Variants in CSMD2 observed in about 807,000 individuals in gnomAD.
CSMD2 encodes the protein CUB and Sushi multiple domains 2, also known as CUB and sushi domain-containing protein 2.
A neutral mutation model predicts 398.5 loss-of-function variants in CSMD2; 130 were observed. The ratio of observed to expected loss-of-function variants is 0.33; its 90% confidence interval spans 0.28 to 0.38. The LOEUF (loss-of-function observed/expected upper bound fraction) is 0.38. Ranked by LOEUF, CSMD2 falls within the 10% of genes least tolerant of loss-of-function variation. The pLI is 1.00. For missense variants in CSMD2, 3,829 were observed against 4,764.9 expected (o/e 0.80, Z 5.78); for synonymous variants, 1,828 against 1,908.5 (o/e 0.96, Z 1.10).
chr1:33,883,374 C>A (rs1309051753), intron 5 of CSMD2, among the ~76,000 whole-genome samples: 2 of 152,086 alleles, frequency 1.3e-5, no homozygotes, highest in African/African-American at 4.8e-5. Flanking sequence ...AATGATGACA[C>A]ATTTACCTCA....
At chr1:33,634,336 C>G (rs1021972371) in intron 31 of CSMD2, among the ~76,000 whole-genome samples, 1 of 152,320 alleles carries the variant, frequency 6.6e-6, no homozygotes, top group Admixed American at 6.5e-5. Flanking sequence ...AAATGTTTGG[C>G]GAACGCCTCA....
At chr1:33,562,771 A>G (rs1057479384) in intron 53 of CSMD2, among the ~76,000 whole-genome samples, 5 of 152,184 alleles carry the variant, frequency 3.3e-5, no homozygotes, top group Admixed American at 6.5e-5. Context: ...GCCTCATCCA[A>G]TCAGTTGAAG....
At chr1:33,667,451 G>C in intron 25 of CSMD2, among the ~76,000 whole-genome samples, 1 of 152,136 alleles carries the variant, frequency 6.6e-6, no homozygotes, top group East Asian at 1.9e-4. Flanking sequence ...CTTGCACAAG[G>C]TCATGGGCTG....
chr1:33,887,469 C>T (rs1349312286), intron 5 of CSMD2, among the ~76,000 whole-genome samples: 2 of 152,140 alleles, frequency 1.3e-5, no homozygotes, highest in African/African-American at 4.8e-5. Flanking sequence ...CCTCATCAAG[C>T]GATGGTGTTA....
At chr1:33,543,752 C>T (rs945256289) in intron 57 of CSMD2, among the ~76,000 whole-genome samples, 3 of 152,176 alleles carry the variant, frequency 2.0e-5, no homozygotes, top group Non-Finnish European at 1.5e-5. Context: ...AAGACATTTT[C>T]TATCATCAAA....
chr1:33,918,214 T>C lies in CSMD2; in HGVS notation c.800A>G (p.Asp267Gly). The change falls in exon 5 of 71, where the codon GAC becomes GGC. Residue 267 changes from aspartate (D) to glycine (G), a missense_variant. Coordinates refer to ENST00000373381, the MANE Select transcript of CSMD2 (RefSeq NM_001281956.2). ...CTCAGCCAGGATGGTCCATGTGCAG[T>C]CGGCATTGTTATGGTACTCCGAGGG... is the stretch of plus-strand genomic sequence containing the variant. ...HFPSEYHNNA[D>G]CTWTILAELG... The C allele has an allele frequency of 6.2e-7, 1 of 1,614,118 alleles. No homozygotes were observed. The highest frequency in any genetic ancestry group is 8.5e-7 in the Non-Finnish European group (1 of 1,180,014).
chr1:33,894,146 C>T (rs1045599613), intron 5 of CSMD2, among the ~76,000 whole-genome samples: 1 of 152,152 alleles, frequency 6.6e-6, no homozygotes, highest in African/African-American at 2.4e-5. Flanking sequence ...AGTGGCTCCC[C>T]AAGGCTGAAG....
intron 12 of CSMD2, among the ~76,000 whole-genome samples, chr1:33,775,849 A>C (rs1277034632): frequency 6.6e-6 from 1 of 152,364 alleles, no homozygotes; most frequent in African/African-American, 2.4e-5. Context: ...GTTAGGAACA[A>C]TGTAGGGACC....
intron 22 of CSMD2, among the ~76,000 whole-genome samples, chr1:33,704,729 A>G (rs577604948): frequency 3.5e-4 from 54 of 152,278 alleles, no homozygotes; most frequent in Non-Finnish European, 2.9e-5. Context: ...ACATCCTCAC[A>G]TTCCTGGAAT....
chr1:34,073,332 C>A (rs1471244534), intron 2 of CSMD2, among the ~76,000 whole-genome samples: 2 of 152,208 alleles, frequency 1.3e-5, no homozygotes, highest in Admixed American at 6.5e-5. Flanking sequence ...AATTATTAAA[C>A]CCTTGTGTGT....
intron 3 of CSMD2, among the ~76,000 whole-genome samples, chr1:33,971,765 C>A (rs1352631845): frequency 6.6e-6 from 1 of 152,100 alleles, no homozygotes; most frequent in African/African-American, 2.4e-5. Context: ...CTCCAAGGAA[C>A]CCAAATTCTA....
intron 2 of CSMD2, among the ~76,000 whole-genome samples, chr1:34,078,567 C>T (rs373097065): frequency 7.2e-5 from 11 of 152,268 alleles, no homozygotes; most frequent in East Asian, 3.9e-4. Flanking sequence ...CCCTGTAAGG[C>T]GGGTAAATGT....
In CSMD2 at chr1:33,602,535, C is replaced by A; in HGVS notation, c.6544G>T (p.Gly2182Trp). 6.2e-7 allele frequency: 1 copy of A among 1,600,944 alleles called. No homozygotes were observed. Residue 2182 changes from glycine (G) to tryptophan (W), a missense_variant, in exon 43 of 71, where the codon GGG (glycine) becomes TGG (tryptophan). Gly to Trp is a radical substitution (Grantham distance 184, BLOSUM62 -2). This residue lies in a region of CSMD2 where 723 missense variants were observed against 758.6 expected (regional missense o/e 0.95). Transcript: ENST00000373381. Reference sequence around the variant, plus strand: ...GTGCCGTTGGAAGAAGTGATGTTCCCGCCACAAGGGACTGCCAGGGAGGGA... The same window carrying A: ...GTGCCGTTGGAAGAAGTGATGTTCCAGCCACAAGGGACTGCCAGGGAGGGA... ...PLPKCEVPCG[G>W]NITSSNGTVY...
intron 6 of CSMD2, among the ~76,000 whole-genome samples, chr1:33,833,113 T>C (rs1659800246): frequency 7.3e-6 from 1 of 137,310 alleles, no homozygotes; most frequent in Non-Finnish European, 1.5e-5. Flanking sequence ...ACTATTCCAA[T>C]CAATAGAAAA....
At chr1:33,903,341 T>A (rs967450446) in intron 5 of CSMD2, among the ~76,000 whole-genome samples, 14 of 151,638 alleles carry the variant, frequency 9.2e-5, no homozygotes, top group Non-Finnish European at 5.9e-5. Context: ...GAGCTTTTTT[T>A]TTTTTTTAAA....
intron 3 of CSMD2, among the ~76,000 whole-genome samples, chr1:34,011,736 T>C (rs538432445): frequency 1.4e-3 from 219 of 152,324 alleles, no homozygotes; most frequent in Non-Finnish European, 2.3e-3. Flanking sequence ...AATCCAATTA[T>C]ACTGTTTCAG....
At chr1:33,579,023 C>T (rs1638501763) in intron 48 of CSMD2, among the ~76,000 whole-genome samples, 1 of 152,182 alleles carries the variant, frequency 6.6e-6, no homozygotes, top group Admixed American at 6.5e-5. Flanking sequence ...GCAAATTACA[C>T]TCATCTACTC....
At chr1:33,638,124 C>T (rs1478037606) in intron 29 of CSMD2, among the ~76,000 whole-genome samples, 2 of 152,128 alleles carry the variant, frequency 1.3e-5, no homozygotes, top group Non-Finnish European at 2.9e-5. Flanking sequence ...CCAAGTGGGA[C>T]CGACAACATG....
rs567725102 is a variant in CSMD2 at position 34,053,481 on chromosome 1, G to A, written c.405-20775C>T. On this transcript the variant is annotated intron_variant, in intron 2 of 70. Transcript: ENST00000373381. ...CTCCAAGGAAGGTTAATATGTAATG[G>A]TGTGTGTAGTTTCAATACAGGTCCA... 2.2e-4 allele frequency among the ~76,000 whole-genome samples: 33 copies of A among 152,246 alleles called. No homozygotes were observed. In the South Asian group the frequency reaches 3.3e-3, roughly 15 times the overall value.
Sources: allele counts gnomAD v4.1 joint callset (sites outside exome capture counted in the v4.1 genomes callset), GRCh38; gene constraint gnomAD v4.1.1; regional missense constraint gnomAD v4.1.1; transcripts MANE v1.5; gene names NCBI Gene and HGNC (gene_info 2026-07-23, HGNC 2026-07-21).